Variants in MCM2 observed in about 807,000 individuals in gnomAD.
MCM2 encodes DNA replication licensing factor MCM2.
A neutral mutation model predicts 86.4 loss-of-function variants in MCM2; 49 were observed. The observed-to-expected ratio is 0.57, with a 90% confidence interval of 0.45 to 0.72. The LOEUF (loss-of-function observed/expected upper bound fraction) is 0.72. Ranked by LOEUF, MCM2 falls within the 30% of genes least tolerant of loss-of-function variation. The probability of loss-of-function intolerance (pLI) is 0.00; values close to 1 mark genes in which losing one functional copy is unlikely to be tolerated. For missense variants in MCM2, 1,038 were observed against 1,259.9 expected (o/e 0.82, Z 2.67); for synonymous variants, 475 against 484.6 (o/e 0.98, Z 0.26).
In MCM2 at chr3:127,617,050, T is replaced by A. The variant is rs2074438632; in HGVS notation, c.1705T>A (p.Trp569Arg). Residue 569 changes from tryptophan (W) to arginine (R), a missense_variant, in exon 10 of 16, where the codon TGG becomes AGG. Trp to Arg is a moderately radical substitution (Grantham distance 101). Transcript: ENST00000265056. This position sits in a 1 kb window ranked among gnomAD's most constrained non-coding sequence, Gnocchi z 4.1. ...YVQRHPVSRE[W>R]TLEAGALVLA... The stretch of plus-strand genomic sequence containing the variant: ...CCAGCGGCACCCTGTCAGCAGGGAG[T>A]GGACCTTGGAGGCTGGGGCCCTGGT... 1.2e-6 allele frequency: 2 copies of A among 1,613,790 alleles called. No homozygotes were observed.
chr3:127,619,010 C>A lies in MCM2; in HGVS notation c.2014-17C>A, dbSNP rs894374891. 4 of 1,569,070 alleles carry A rather than the reference C, an allele frequency of 2.5e-6. No individual in the cohort carries two copies. In the East Asian group the frequency reaches 9.1e-5, roughly 36 times the overall value. ...GCACACCCACAATCAGACCCACCCT[C>A]TCATGGCTTATCTTAGGACGAGATG... On this transcript the variant is annotated splice_polypyrimidine_tract_variant and intron_variant, in intron 12 of 15. Transcript: ENST00000265056.
Position 127,619,160 on chromosome 3 carries a change from C to T in MCM2, c.2147C>T (p.Pro716Leu). 3 of 1,614,134 alleles carry T rather than the reference C, an allele frequency of 1.9e-6. No homozygotes were observed. The South Asian group carries it at 3.3e-5, about 18-fold the overall frequency. The change falls in exon 13 of 16, where the codon CCC becomes CTC. Residue 716 changes from proline (P) to leucine (L), a missense_variant. This residue lies in a region of MCM2 where 336 missense variants were observed against 425.7 expected (regional missense o/e 0.79). Transcript: ENST00000265056. ...MPNTYGVEPL[P>L]QEVLKKYIIY... ...AACACGTATGGCGTGGAGCCCCTGC[C>T]CCAGGAGGTCCTGAAGAAGTACATC... is the stretch of plus-strand genomic sequence containing the variant.
In MCM2 at chr3:127,617,229, A is replaced by G. The variant is rs373332808; in HGVS notation, c.1774-50A>G. 26 of 1,609,724 alleles carry G rather than the reference A, an allele frequency of 1.6e-5. No homozygotes were observed. The African/African-American group carries it at 3.2e-4, about 20-fold the overall frequency. On this transcript the variant is annotated intron_variant, in intron 10 of 15. Coordinates refer to ENST00000265056, the MANE Select transcript of MCM2 (RefSeq NM_004526.4). The surrounding 1 kb of genome is among the most constrained non-coding windows in gnomAD (Gnocchi z 4.1). ...TCCATTGGGACCTCATCGGAGACTT[A>G]GTAGTAGGGGCGTGAACCATGCTAA...
At chr3:127,609,593 C>T (rs1049849484) in intron 8 of MCM2, among the ~76,000 whole-genome samples, 1 of 151,690 alleles carries the variant, frequency 6.6e-6, no homozygotes, top group African/African-American at 2.4e-5. Flanking sequence ...CAGGTGTGAG[C>T]CCTTGTGCCC....
At position 127,601,520 on chromosome 3, in the gene MCM2, C is replaced by T. The variant is rs762261501; in HGVS notation, c.236+1973C>T. 2.7e-4 allele frequency among the ~76,000 whole-genome samples: 41 copies of T among 152,202 alleles called. 1 individual carries two copies. In the East Asian group the frequency reaches 3.3e-3, roughly 12 times the overall value. On this transcript the variant is annotated intron_variant, in intron 2 of 15. Coordinates refer to ENST00000265056, the MANE Select transcript of MCM2 (RefSeq NM_004526.4). Reference sequence around the variant, plus strand: ...GGATCACAGACATTTGCCACCACACCGGCTAATTTTTCTATTTTTAGTAGA... The same window carrying T: ...GGATCACAGACATTTGCCACCACACTGGCTAATTTTTCTATTTTTAGTAGA...
In MCM2 at chr3:127,617,155, G is replaced by C. The variant is rs759115380; in HGVS notation, c.1773+37G>C. Reference sequence around the variant, plus strand: ...GGTCACGGAGGCTGGTGGAACTCAGGGGGTGTGTGTGGGCTTGGGCCTTAG... The same window carrying C: ...GGTCACGGAGGCTGGTGGAACTCAGCGGGTGTGTGTGGGCTTGGGCCTTAG... On this transcript the variant is annotated intron_variant, in intron 10 of 15. Coordinates refer to ENST00000265056, the MANE Select transcript of MCM2 (RefSeq NM_004526.4). This position sits in a 1 kb window ranked among gnomAD's most constrained non-coding sequence, Gnocchi z 4.1. 10 of 1,608,166 alleles carry C rather than the reference G, an allele frequency of 6.2e-6. No individual in the cohort carries two copies. The highest frequency in any genetic ancestry group is 1.1e-5 in the South Asian group (1 of 90,458).
chr3:127,620,878 A>G lies in MCM2; in HGVS notation c.2446A>G (p.Lys816Glu). ...GTTCAGCGTCATGCGCAGCATGCGC[A>G]AGGTGGGTGTGCTCCGAGGTAGGGG... ...QKFSVMRSMR[K>E]TFARYLSFRR... is the part of the protein sequence containing the mutation. The change falls in exon 14 of 16, where the codon AAG (lysine) becomes GAG (glutamate). Residue 816 changes from lysine (K) to glutamate (E), a missense_variant and splice_region_variant. Transcript: ENST00000265056. 1 of 1,602,068 alleles carries G rather than the reference A, an allele frequency of 6.2e-7. No homozygotes were observed. Among genetic ancestry groups the G allele is most frequent in the Non-Finnish European group, 8.5e-7 (1 of 1,171,680 alleles).
intron 1 of MCM2, chr3:127,598,778 C>G (rs2074278319): frequency 2.1e-6 from 1 of 483,320 alleles, no homozygotes; most frequent in South Asian, 3.5e-5. Context: ...CCCCATTTCA[C>G]TACACTCCTT....
chr3:127,616,002 T>C (rs1019491771), intron 9 of MCM2, 47 bp downstream of exon 9: 4 of 1,433,580 alleles, frequency 2.8e-6, no homozygotes, highest in Middle Eastern at 3.6e-4. Flanking sequence ...GCTTTCTCTT[T>C]GGGGAGCCAG....
rs201123662 is a variant in MCM2 at position 127,608,877 on chromosome 3, A to C, written c.1282A>C (p.Thr428Pro). 1 of 1,614,094 alleles carries C rather than the reference A, an allele frequency of 6.2e-7. No homozygotes were observed. Among genetic ancestry groups the C allele is most frequent in the Non-Finnish European group, 8.5e-7 (1 of 1,180,004 alleles). Reference sequence around the variant, plus strand: ...CAACAACTATGATGGCTCCCTCAACACTGCCAATGGCTTCCCTGTCTTTGC... The same window carrying C: ...CAACAACTATGATGGCTCCCTCAACCCTGCCAATGGCTTCCCTGTCTTTGC... ...YHNNYDGSLN[T>P]ANGFPVFATV... Residue 428 changes from threonine (T) to proline (P), a missense_variant, in exon 8 of 16, where the codon ACT becomes CCT. Thr to Pro is a conservative substitution (Grantham distance 38). Around this residue, in one of 4 missense-constraint regions of MCM2, gnomAD observed 399 missense variants for 507.2 expected, o/e 0.79. Coordinates refer to ENST00000265056, the MANE Select transcript of MCM2 (RefSeq NM_004526.4).
chr3:127,614,926 T>C (rs1012525792), intron 8 of MCM2, among the ~76,000 whole-genome samples: 2 of 152,206 alleles, frequency 1.3e-5, no homozygotes, highest in Non-Finnish European at 2.9e-5. Flanking sequence ...GGACCTGGAA[T>C]TGGACATTTC....
intron 8 of MCM2, among the ~76,000 whole-genome samples, chr3:127,610,388 T>A (rs1413429099): frequency 6.6e-6 from 1 of 152,090 alleles, no homozygotes; most frequent in Non-Finnish European, 1.5e-5. Context: ...GATGGTGGGG[T>A]AAGGAGAGCT....
chr3:127,612,101 A>G (rs1046408127), intron 8 of MCM2, among the ~76,000 whole-genome samples: 6 of 152,142 alleles, frequency 3.9e-5, no homozygotes, highest in African/African-American at 1.4e-4. Context: ...AAAATCCAAG[A>G]TCTGTGGGTG....
At chr3:127,599,884 GA>G (rs1370915532) in intron 2 of MCM2, among the ~76,000 whole-genome samples, 1 of 152,216 alleles carries the variant, frequency 6.6e-6, no homozygotes, top group Non-Finnish European at 1.5e-5. Context: ...CTTTTCAAAG[GA>G]AAGGTGCATG....
In MCM2 at chr3:127,604,941, A is replaced by G. The variant is rs368377044; in HGVS notation, c.458A>G (p.Gln153Arg). ...DEERPARKRRQVERATEDGEE... is the reference protein window; with the variant it reads ...DEERPARKRRRVERATEDGEE... ...GAGCGCCCTGCCCGCAAGCGCCGCC[A>G]GGTGGAGCGGGCCACGGAGGACGGC... The change falls in exon 4 of 16, where the codon CAG (glutamine) becomes CGG (arginine). Residue 153 changes from glutamine (Q) to arginine (R), a missense_variant. Gln to Arg is a conservative substitution (Grantham distance 43, BLOSUM62 1). Transcript: ENST00000265056. 13 of 1,613,518 alleles carry G rather than the reference A, an allele frequency of 8.1e-6. No homozygotes were observed. Among genetic ancestry groups the G allele is most frequent in the Non-Finnish European group, 1.1e-5 (13 of 1,179,832 alleles).
At position 127,606,425 on chromosome 3, in the gene MCM2, C is replaced by A; in HGVS notation, c.893+88C>A. On this transcript the variant is annotated intron_variant, in intron 5 of 15. Coordinates refer to ENST00000265056, the MANE Select transcript of MCM2 (RefSeq NM_004526.4). The surrounding 1 kb of genome is among the most constrained non-coding windows in gnomAD (Gnocchi z 4.2). ...TCCTGAAGAGCGATTGTGGTGTGGG[C>A]GGGGAGGGTGCAGCCAGCAGCATCC... 1.4e-6 allele frequency: 2 copies of A among 1,379,814 alleles called. No homozygotes were observed. Among genetic ancestry groups the A allele is most frequent in the Non-Finnish European group, 2.0e-6 (2 of 992,088 alleles). The allele number at this position is 1,379,814 out of a possible 1,614,324, so 85.5% of individuals were successfully genotyped here. A position where few individuals can be genotyped will look rare whatever the true frequency, so the allele number is the denominator to read the frequency against.
At chr3:127,601,692 C>G (rs928207620) in intron 2 of MCM2, among the ~76,000 whole-genome samples, 3 of 152,136 alleles carry the variant, frequency 2.0e-5, no homozygotes, top group Admixed American at 6.6e-5. Context: ...GTGACCAGAT[C>G]TTTAATTCTG....
intron 6 of MCM2, among the ~76,000 whole-genome samples, chr3:127,608,006 G>A (rs1011542755): frequency 6.6e-6 from 1 of 152,240 alleles, no homozygotes; most frequent in African/African-American, 2.4e-5. Flanking sequence ...GTTGATGTAT[G>A]TATGACTTGC....
rs1003486421 is a variant in MCM2, at chr3:127,606,590, T to C, written c.894-20T>C. 6.2e-7 allele frequency: 1 copy of C among 1,610,292 alleles called. No individual in the cohort carries two copies. The highest frequency in any genetic ancestry group is 8.5e-7 in the Non-Finnish European group (1 of 1,176,936). On this transcript the variant is annotated intron_variant, in intron 5 of 15. Coordinates refer to ENST00000265056, the MANE Select transcript of MCM2 (RefSeq NM_004526.4). The surrounding 1 kb of genome is among the most constrained non-coding windows in gnomAD (Gnocchi z 4.2). ...CCTCACCCTGGCTCACGGCTTCTGA[T>C]GCACCCTCTGCCTCCGCAGGCAGCT...
Sources: allele counts gnomAD v4.1 joint callset (sites outside exome capture counted in the v4.1 genomes callset), GRCh38; gene constraint gnomAD v4.1.1; regional missense constraint gnomAD v4.1.1; non-coding constraint Gnocchi (gnomAD v3.1); transcripts MANE v1.5; gene names NCBI Gene and HGNC (gene_info 2026-07-23, HGNC 2026-07-21).